SPMAP2L: variants seen among roughly 807,000 people sequenced by gnomAD.
SPMAP2L encodes the protein sperm microtubule associated protein 2 like, also known as sperm microtubule associated protein 2-like.
chr4:56,616,711 G>A, the SPMAP2L span, among the ~76,000 whole-genome samples: 12 of 152,166 alleles, frequency 7.9e-5, no homozygotes, highest in East Asian at 1.9e-4. Context: ...AGAAGCACAC[G>A]GGGGCTTTCT....
the SPMAP2L span, among the ~76,000 whole-genome samples, chr4:56,570,688 C>T: frequency 3.3e-5 from 5 of 151,788 alleles, no homozygotes; most frequent in Admixed American, 1.3e-4. Flanking sequence ...CTGCATGCTA[C>T]GGTAGACTTT....
chr4:56,583,181 G>A, the SPMAP2L span, among the ~76,000 whole-genome samples: 2 of 152,198 alleles, frequency 1.3e-5, no homozygotes, highest in South Asian at 4.1e-4. Context: ...GGCTGAGGCA[G>A]GAGAATCGCT....
At chr4:56,587,326 A>AT in the SPMAP2L span, among the ~76,000 whole-genome samples, 3 of 150,742 alleles carry the variant, frequency 2.0e-5, no homozygotes, top group East Asian at 3.9e-4. Flanking sequence ...TTTTTTTGTG[A>AT]TTTTTCCATA....
the SPMAP2L span, among the ~76,000 whole-genome samples, chr4:56,575,893 G>C: frequency 6.6e-5 from 10 of 152,302 alleles, no homozygotes; most frequent in African/African-American, 2.4e-4. Flanking sequence ...CCAGTTAAAA[G>C]GAAATATGCA....
chr4:56,550,890 C>T, the SPMAP2L span, among the ~76,000 whole-genome samples: 1 of 151,756 alleles, frequency 6.6e-6, no homozygotes. Flanking sequence ...TAGTTCGAGG[C>T]TGCAGGGAGC....
At chr4:56,616,893 T>C in the SPMAP2L span, among the ~76,000 whole-genome samples, 1 of 152,210 alleles carries the variant, frequency 6.6e-6, no homozygotes, top group Non-Finnish European at 1.5e-5. Context: ...ATTTTATTTA[T>C]TGTGGTAAGA....
chr4:56,586,205 G>A, the SPMAP2L span, among the ~76,000 whole-genome samples: 4,159 of 152,108 alleles, frequency 0.027, 183 homozygotes, highest in African/African-American at 0.092. Context: ...TAAAACCATC[G>A]TCTGGGTAAA....
At chr4:56,593,042 A>T in the SPMAP2L span, 1 of 1,593,132 alleles carries the variant, frequency 6.3e-7, no homozygotes, top group South Asian at 1.1e-5. Flanking sequence ...CAAAAACCAG[A>T]TCTGGAGATC....
At chr4:56,557,210 C>T in the SPMAP2L span, among the ~76,000 whole-genome samples, 1 of 150,470 alleles carries the variant, frequency 6.6e-6, no homozygotes, top group East Asian at 2.0e-4. Context: ...GATCATGCCA[C>T]TGCACACCAG....
At chr4:56,576,433 G>A in the SPMAP2L span, among the ~76,000 whole-genome samples, 1 of 152,220 alleles carries the variant, frequency 6.6e-6, no homozygotes, top group Non-Finnish European at 1.5e-5. Flanking sequence ...ACTAGAAGTA[G>A]AACATTGACA....
chr4:56,534,258 T>A, the SPMAP2L span, among the ~76,000 whole-genome samples: 2 of 152,184 alleles, frequency 1.3e-5, no homozygotes, highest in Admixed American at 6.5e-5. Context: ...CCTTGTGAAA[T>A]TCAATGGCTA....
chr4:56,535,178 A>T, the SPMAP2L span, among the ~76,000 whole-genome samples: 1 of 152,170 alleles, frequency 6.6e-6, no homozygotes, highest in Non-Finnish European at 1.5e-5. Flanking sequence ...CCATTTCTTA[A>T]CATTTAAAAT....
At chr4:56,548,800 T>G in the SPMAP2L span, 1 of 1,490,128 alleles carries the variant, frequency 6.7e-7, no homozygotes, top group East Asian at 2.6e-5. Flanking sequence ...CAAATCCTGT[T>G]TCCTGTGACT....
At chr4:56,624,820 T>G in the SPMAP2L span, among the ~76,000 whole-genome samples, 1 of 152,198 alleles carries the variant, frequency 6.6e-6, no homozygotes, top group Admixed American at 6.5e-5. Context: ...GGGGCCCTCA[T>G]GGAGAACCTC....
the SPMAP2L span, among the ~76,000 whole-genome samples, chr4:56,607,247 G>T: frequency 1.3e-5 from 2 of 152,150 alleles, no homozygotes; most frequent in South Asian, 4.2e-4. Flanking sequence ...GCTTGAGGGA[G>T]TGAGTTCATC....
At chr4:56,596,547 A>G in the SPMAP2L span, 2 of 1,533,262 alleles carry the variant, frequency 1.3e-6, no homozygotes, top group Non-Finnish European at 1.7e-6. Flanking sequence ...TTGCAACTCC[A>G]AGAATTATAG....
chr4:56,587,342 T>C, the SPMAP2L span, among the ~76,000 whole-genome samples: 1 of 152,160 alleles, frequency 6.6e-6, no homozygotes, highest in East Asian at 1.9e-4. Flanking sequence ...CCATAAGTTA[T>C]TGGGGTACAG....
At chr4:56,603,560 C>T in the SPMAP2L span, 152 of 363,252 alleles carry the variant, frequency 4.2e-4, no homozygotes, top group African/African-American at 2.8e-3. Flanking sequence ...AAATGAGAGA[C>T]TGCCTCATTA....
chr4:56,603,356 ATGTAT>A, the SPMAP2L span: 1 of 1,471,860 alleles, frequency 6.8e-7, no homozygotes, highest in Non-Finnish European at 9.2e-7. Flanking sequence ...GACCCTGGTT[ATGTAT>A]CTAGAACACA....
Sources: gnomAD v4.1 joint callset for allele counts (sites outside exome capture counted in the v4.1 genomes callset) on GRCh38, gnomAD v4.1.1 for gene constraint, MANE v1.5 for transcripts, NCBI Gene and HGNC (gene_info 2026-07-23, HGNC 2026-07-21) for gene names.